DNM1L: variants seen among roughly 807,000 people sequenced by gnomAD.
DNM1L encodes the protein dynamin-1-like protein.
In DNM1L, 33 loss-of-function variants were observed where a neutral mutation model predicts 92.8. The ratio of observed to expected loss-of-function variants is 0.36; its 90% CI spans 0.27 to 0.48. DNM1L has a LOEUF of 0.48. DNM1L is among the 20% of genes least tolerant of loss of function. The pLI is 0.99. For synonymous variants in DNM1L, 284 were observed against 305.0 expected (o/e 0.93, Z 0.72); for missense variants, 485 against 888.8 (o/e 0.55, Z 5.78).
At chr12:32,703,413 T>C (rs1234864906) in intron 2 of DNM1L, among the ~76,000 whole-genome samples, 9 of 152,256 alleles carry the variant, frequency 5.9e-5, no homozygotes, top group Non-Finnish European at 1.2e-4. Flanking sequence ...TCACGTGTTT[T>C]ATTCTAGCAT....
intron 9 of DNM1L, among the ~76,000 whole-genome samples, chr12:32,729,510 C>T (rs1452728007): frequency 3.3e-5 from 5 of 152,184 alleles, no homozygotes; most frequent in African/African-American, 1.2e-4. Flanking sequence ...GGCTGGAATG[C>T]AGTGGCACAG....
intron 9 of DNM1L, chr12:32,727,552 C>G: frequency 1.8e-6 from 1 of 547,660 alleles, no homozygotes; most frequent in South Asian, 2.5e-5. Flanking sequence ...CTCTTAATTT[C>G]ACCAACCTGA....
At chr12:32,735,853 G>C (rs886460438) in intron 13 of DNM1L, among the ~76,000 whole-genome samples, 2 of 151,912 alleles carry the variant, frequency 1.3e-5, no homozygotes, top group African/African-American at 4.8e-5. Context: ...CTCCAGCCTG[G>C]GCGACAGAGC....
chr12:32,689,840 C>T (rs1952166040), intron 1 of DNM1L, among the ~76,000 whole-genome samples: 1 of 152,124 alleles, frequency 6.6e-6, no homozygotes, highest in Non-Finnish European at 1.5e-5. Context: ...GGCCACATTT[C>T]AAAATATAAA....
At chr12:32,713,877 T>A (rs1953243716) in intron 6 of DNM1L, among the ~76,000 whole-genome samples, 1 of 152,178 alleles carries the variant, frequency 6.6e-6, no homozygotes, top group Admixed American at 6.5e-5. Flanking sequence ...AATTATGGTA[T>A]CTACATTCTG....
intron 13 of DNM1L, among the ~76,000 whole-genome samples, chr12:32,735,341 T>G (rs770688626): frequency 1.1e-4 from 16 of 152,132 alleles, no homozygotes; most frequent in Non-Finnish European, 1.6e-4. Context: ...GTACTCCACA[T>G]CTGCTGGGGT....
intron 1 of DNM1L, among the ~76,000 whole-genome samples, chr12:32,698,407 C>A (rs948963386): frequency 2.2e-4 from 33 of 152,186 alleles, no homozygotes; most frequent in African/African-American, 7.5e-4. Context: ...TCTTAGTCCT[C>A]CTGGTCCTTC....
chr12:32,720,620 G>A, intron 7 of DNM1L, 44 bp from the exon 8 acceptor site: 1 of 1,612,694 alleles, frequency 6.2e-7, no homozygotes, highest in African/African-American at 1.3e-5. Flanking sequence ...GTAGGAAGAG[G>A]ACAACAGTTA....
chr12:32,735,172 A>AC (rs1954788639), intron 13 of DNM1L, among the ~76,000 whole-genome samples: 1 of 152,212 alleles, frequency 6.6e-6, no homozygotes, highest in Non-Finnish European at 1.5e-5. Flanking sequence ...GTATTTTTCT[A>AC]CAAATGAATA....
At chr12:32,736,851 C>G (rs1230882893) in intron 13 of DNM1L, 4 of 456,782 alleles carry the variant, frequency 8.8e-6, no homozygotes, top group Middle Eastern at 6.1e-4. Flanking sequence ...TTGAGAATCC[C>G]CAGTACAGGG....
intron 1 of DNM1L, among the ~76,000 whole-genome samples, chr12:32,689,221 G>C (rs909970759): frequency 6.6e-6 from 1 of 150,742 alleles, no homozygotes; most frequent in Non-Finnish European, 1.5e-5. Flanking sequence ...TTTTGAGGCA[G>C]AGTTTCGCTC....
chr12:32,694,707 C>A (rs961112743), intron 1 of DNM1L, among the ~76,000 whole-genome samples: 1 of 152,040 alleles, frequency 6.6e-6, no homozygotes, highest in Non-Finnish European at 1.5e-5. Context: ...AAAATGTGTA[C>A]AAGAAAATTA....
chr12:32,699,707 C>T (rs1952616831), intron 1 of DNM1L, among the ~76,000 whole-genome samples: 1 of 146,168 alleles, frequency 6.8e-6, no homozygotes, highest in South Asian at 2.2e-4. Flanking sequence ...GGCAGGAGAA[C>T]TGCTTGAACC....
At chr12:32,735,646 C>T (rs537586844) in intron 13 of DNM1L, among the ~76,000 whole-genome samples, 118 of 152,088 alleles carry the variant, frequency 7.8e-4, no homozygotes, top group African/African-American at 2.5e-3. Context: ...TTTGGTAGGC[C>T]GAGGCAGGCT....
At chr12:32,723,330 C>T (rs1489623903) in intron 9 of DNM1L, among the ~76,000 whole-genome samples, 3 of 152,056 alleles carry the variant, frequency 2.0e-5, no homozygotes, top group African/African-American at 7.2e-5. Context: ...CAGGTATTAT[C>T]GACACCTTCA....
chr12:32,680,826 AC>A (rs1951775658), intron 1 of DNM1L, among the ~76,000 whole-genome samples: 1 of 152,188 alleles, frequency 6.6e-6, no homozygotes, highest in Non-Finnish European at 1.5e-5. Context: ...TATCATCAAA[AC>A]TAACCTGTTT....
chr12:32,731,138 A>T lies in DNM1L; in HGVS notation c.1200+4A>T. The T allele has an allele frequency of 6.2e-7, 1 of 1,613,982 alleles. No homozygotes were observed. The highest frequency in any genetic ancestry group is 8.5e-7 in the Non-Finnish European group (1 of 1,179,970). On this transcript the variant is annotated splice_donor_region_variant and intron_variant, in intron 10 of 19. Coordinates refer to ENST00000549701, the MANE Select transcript of DNM1L (RefSeq NM_012062.5). This position sits in a 1 kb window ranked among gnomAD's most constrained non-coding sequence, Gnocchi z 5.1. Reference sequence around the variant, plus strand: ...GACTGCCATTAGAAATGCTACTGTGAGTATGTTTAGCTTTTTAGACTGTAA... The same window carrying T: ...GACTGCCATTAGAAATGCTACTGTGTGTATGTTTAGCTTTTTAGACTGTAA...
chr12:32,724,455 A>T (rs1953969784), intron 9 of DNM1L, among the ~76,000 whole-genome samples: 1 of 151,266 alleles, frequency 6.6e-6, no homozygotes, highest in Non-Finnish European at 1.5e-5. Context: ...ACGTGCCTGT[A>T]ATCCCAGCTA....
intron 1 of DNM1L, among the ~76,000 whole-genome samples, chr12:32,686,459 G>T (rs192775339): frequency 2.0e-3 from 309 of 152,272 alleles, no homozygotes; most frequent in Non-Finnish European, 3.0e-3. Flanking sequence ...CTATTGAGCT[G>T]TCACTCCCTC....
Sources: gnomAD v4.1 joint callset for allele counts (sites outside exome capture counted in the v4.1 genomes callset) on GRCh38, gnomAD v4.1.1 for gene constraint, Gnocchi (gnomAD v3.1) non-coding constraint, MANE v1.5 for transcripts, NCBI Gene and HGNC (gene_info 2026-07-23, HGNC 2026-07-21) for gene names.